FSTL4: variants seen among roughly 807,000 people sequenced by gnomAD.
The protein encoded by FSTL4 is follistatin-related protein 4.
Under a neutral mutation model 78.2 loss-of-function variants are expected in FSTL4, and 28 were observed. The observed-to-expected ratio is 0.36, with a 90% CI of 0.27 to 0.49. FSTL4 has a LOEUF of 0.49. Among genes scored for constraint, FSTL4 ranks in the 20% least tolerant of loss-of-function variants. The probability of loss-of-function intolerance (pLI) is 0.98; values close to 1 mark genes in which losing one functional copy is unlikely to be tolerated. For missense variants in FSTL4, 922 were observed against 1,084.9 expected (o/e 0.85, Z 2.11); for synonymous variants, 422 against 440.5 (o/e 0.96, Z 0.53).
At chr5:133,398,190 C>T (rs774844498) in intron 4 of FSTL4, among the ~76,000 whole-genome samples, 1 of 152,198 alleles carries the variant, frequency 6.6e-6, no homozygotes, top group Non-Finnish European at 1.5e-5. Flanking sequence ...ATCCGTCAGG[C>T]TCCTGTGAAT....
intron 4 of FSTL4, among the ~76,000 whole-genome samples, chr5:133,329,853 G>A (rs890272710): frequency 1.3e-5 from 2 of 152,106 alleles, no homozygotes; most frequent in Non-Finnish European, 2.9e-5. Flanking sequence ...TCTCACTCAC[G>A]GCAGCAAAAC....
chr5:133,607,929 AG>A (rs1761010393), intron 1 of FSTL4, among the ~76,000 whole-genome samples: 1 of 142,470 alleles, frequency 7.0e-6, no homozygotes, highest in Non-Finnish European at 1.5e-5. Flanking sequence ...GGAGGGAGGG[AG>A]GGGAACCATA....
chr5:133,694,367 C>T, the FSTL4 span, among the ~76,000 whole-genome samples: 1 of 152,268 alleles, frequency 6.6e-6, no homozygotes, highest in Admixed American at 6.5e-5. Context: ...CTCCTCTACA[C>T]CTCCACTCCA....
At chr5:133,672,757 T>C in the FSTL4 span, among the ~76,000 whole-genome samples, 3 of 152,172 alleles carry the variant, frequency 2.0e-5, no homozygotes, top group African/African-American at 7.2e-5. Flanking sequence ...AGAGCTGGCT[T>C]CTGCTTCTCA....
intron 3 of FSTL4, among the ~76,000 whole-genome samples, chr5:133,407,208 G>T (rs1756384040): frequency 6.6e-6 from 1 of 152,146 alleles, no homozygotes; most frequent in Non-Finnish European, 1.5e-5. Flanking sequence ...TTGGATCTGT[G>T]AACATCACAG....
chr5:133,623,020 T>G, the FSTL4 span, among the ~76,000 whole-genome samples: 1 of 152,136 alleles, frequency 6.6e-6, no homozygotes, highest in Non-Finnish European at 1.5e-5. Context: ...AGTAGTTTTA[T>G]GTTTCACAAT....
At chr5:133,670,592 G>A in the FSTL4 span, among the ~76,000 whole-genome samples, 1 of 152,248 alleles carries the variant, frequency 6.6e-6, no homozygotes, top group Non-Finnish European at 1.5e-5. Flanking sequence ...TAACTAACCT[G>A]TTTCAAACAG....
At chr5:133,777,979 C>A in the FSTL4 span, among the ~76,000 whole-genome samples, 9 of 152,220 alleles carry the variant, frequency 5.9e-5, 1 homozygote, top group African/African-American at 2.2e-4. Flanking sequence ...TTATAGAGAT[C>A]CCATTCCCCC....
the FSTL4 span, among the ~76,000 whole-genome samples, chr5:133,684,587 C>G: frequency 1.3e-5 from 2 of 152,208 alleles, no homozygotes; most frequent in East Asian, 1.9e-4. Flanking sequence ...GAGTTCCATA[C>G]AGATTCTCTG....
At chr5:133,750,943 C>G in the FSTL4 span, among the ~76,000 whole-genome samples, 12 of 152,156 alleles carry the variant, frequency 7.9e-5, no homozygotes, top group African/African-American at 1.7e-4. Context: ...CAGCCTCCCC[C>G]ACCCAGTACT....
rs528853562 is a variant in FSTL4 at position 133,567,422 on chromosome 5, C to CA, written c.127-204dup. On this transcript the variant is annotated intron_variant, in intron 2 of 15. Transcript: ENST00000265342. ...CAACTTGTTGCTTTGAGGGCTTAGG[C>CA]AAAAAAAATCCTGTTAATCACAAAG... 4.4e-4 allele frequency among the ~76,000 whole-genome samples: 67 copies of CA among 151,902 alleles called. 1 individual carries two copies. Among genetic ancestry groups the CA allele is most frequent in the Middle Eastern group, 6.8e-3 (2 of 294 alleles).
chr5:133,790,865 A>G, the FSTL4 span, among the ~76,000 whole-genome samples: 6 of 152,236 alleles, frequency 3.9e-5, no homozygotes, highest in Non-Finnish European at 2.9e-5. Context: ...ACCTGGAGGC[A>G]GCAGCAGCCT....
chr5:133,383,100 G>T (rs1208347665), intron 4 of FSTL4, among the ~76,000 whole-genome samples: 1 of 152,152 alleles, frequency 6.6e-6, no homozygotes, highest in African/African-American at 2.4e-5. Flanking sequence ...CTACTCCCCA[G>T]CTGGCCAAGC....
chr5:133,731,790 C>A, the FSTL4 span, among the ~76,000 whole-genome samples: 1 of 152,218 alleles, frequency 6.6e-6, no homozygotes, highest in African/African-American at 2.4e-5. Context: ...GGAGAGGAAG[C>A]AGACAGACAC....
chr5:133,703,505 G>A, the FSTL4 span, among the ~76,000 whole-genome samples: 1 of 152,204 alleles, frequency 6.6e-6, no homozygotes, highest in Non-Finnish European at 1.5e-5. Flanking sequence ...ACTGCAGCAG[G>A]CCCAACTGAC....
chr5:133,348,592 G>A (rs1011613299), intron 4 of FSTL4, among the ~76,000 whole-genome samples: 1 of 152,256 alleles, frequency 6.6e-6, no homozygotes, highest in Non-Finnish European at 1.5e-5. Flanking sequence ...CTGAGGGGCA[G>A]AAAGGGCAGG....
At position 133,508,236 on chromosome 5, in the gene FSTL4, A is replaced by C. The variant is rs1398874422; in HGVS notation, c.160+58950T>G. 3.3e-5 allele frequency among the ~76,000 whole-genome samples: 5 copies of C among 152,324 alleles called. No homozygotes were observed. In the East Asian group the frequency reaches 9.6e-4, roughly 29 times the overall value. The stretch of plus-strand genomic sequence containing the variant: ...CCTGGCACTCAGCAAGCATGCAGTG[A>C]ATGTTAGCTAACTGTTATTAACTAT... On this transcript the variant is annotated intron_variant, in intron 3 of 15. Coordinates refer to ENST00000265342, the MANE Select transcript of FSTL4 (RefSeq NM_015082.2).
chr5:133,774,116 G>A, the FSTL4 span, among the ~76,000 whole-genome samples: 53 of 152,266 alleles, frequency 3.5e-4, no homozygotes, highest in African/African-American at 1.3e-3. Context: ...AATGAAAACA[G>A]TGAATTCCTG....
chr5:133,476,150 C>A lies in FSTL4; in HGVS notation c.161-75164G>T, dbSNP rs973449109. Among the ~76,000 whole-genome samples the A allele has an allele frequency of 6.6e-5, 10 of 152,318 alleles. No homozygotes were observed. The East Asian group carries it at 9.7e-4, about 15-fold the overall frequency. On this transcript the variant is annotated intron_variant, in intron 3 of 15. Coordinates refer to ENST00000265342, the MANE Select transcript of FSTL4 (RefSeq NM_015082.2). ...GGGCAAAAACGGGCAAAAATGAGAT[C>A]ATCACTCCCGGATAAGAGGCTTGCT...
Sources: allele counts gnomAD v4.1 joint callset (sites outside exome capture counted in the v4.1 genomes callset), GRCh38; gene constraint gnomAD v4.1.1; transcripts MANE v1.5; gene names NCBI Gene and HGNC (gene_info 2026-07-23, HGNC 2026-07-21).